Variants in HLTF observed in about 807,000 individuals in gnomAD.
HLTF encodes the protein helicase like transcription factor.
HLTF carries 127 observed loss-of-function variants against 129.4 expected under a neutral mutation model. The observed-to-expected ratio is 0.98, with a 90% confidence interval of 0.85 to 1.14. The LOEUF is 1.14. HLTF is among the 50% of genes most tolerant of loss of function. HLTF has a pLI of 0.00. For missense variants in HLTF, 1,139 were observed against 1,187.1 expected, an observed-to-expected ratio of 0.96 and a Z score of 0.60; for synonymous variants, 332 against 388.8, an observed-to-expected ratio of 0.85 and a Z score of 1.72.
chr3:149,070,881 C>T (rs1718789979), intron 7 of HLTF, among the ~76,000 whole-genome samples: 1 of 152,054 alleles, frequency 6.6e-6, no homozygotes, highest in African/African-American at 2.4e-5. Flanking sequence ...CCTGTCTCTA[C>T]TAAAAATACA....
Position 149,032,967 on chromosome 3 carries a change from A to AC in HLTF, c.2878-596_2878-595insG, listed in dbSNP as rs1211287834. 2.5e-3 allele frequency among the ~76,000 whole-genome samples: 356 copies of AC among 143,462 alleles called. 2 individuals carry two copies. Among genetic ancestry groups the AC allele is most frequent in the African/African-American group, 8.8e-3 (344 of 38,894 alleles). The allele number at this position is 143,462 out of a possible 152,430, so 94.1% of individuals were successfully genotyped here. A position where few individuals can be genotyped will look rare whatever the true frequency, so the allele number is the denominator to read the frequency against. Reference sequence around the variant, plus strand: ...GACAGAGCGACGTCTCAAAAAAAAAAAAAAAAAAAACAAAAAACTATTCCC... The same window carrying AC: ...GACAGAGCGACGTCTCAAAAAAAAAACAAAAAAAAAACAAAAAACTATTCCC... On this transcript the variant is annotated intron_variant, in intron 24 of 24. Transcript: ENST00000310053.
chr3:149,056,425 TTC>T (rs1445587629), intron 13 of HLTF, among the ~76,000 whole-genome samples: 1 of 152,178 alleles, frequency 6.6e-6, no homozygotes. Context: ...AAATGCAAAT[TTC>T]TGAGTTTTTA....
intron 14 of HLTF, 88 bp from the exon 15 acceptor site, chr3:149,050,463 G>T: frequency 1.3e-6 from 1 of 788,754 alleles, no homozygotes; most frequent in Non-Finnish European, 1.9e-6. Context: ...CCTGGCAGTA[G>T]TGTGACAAAT....
At chr3:149,043,444 C>A (rs912015170) in intron 18 of HLTF, among the ~76,000 whole-genome samples, 2 of 148,762 alleles carry the variant, frequency 1.3e-5, no homozygotes, top group Non-Finnish European at 3.0e-5. Context: ...TTAAAGAAAG[C>A]TTTCCAGGAA....
At chr3:149,054,693 A>T (rs1717278842) in intron 14 of HLTF, among the ~76,000 whole-genome samples, 1 of 151,816 alleles carries the variant, frequency 6.6e-6, no homozygotes, top group Non-Finnish European at 1.5e-5. Context: ...GCAATCTGGA[A>T]AAAAAAAATT....
chr3:149,084,645 A>C, intron 2 of HLTF, 37 bp downstream of exon 2: 1 of 1,436,270 alleles, frequency 7.0e-7, no homozygotes, highest in Non-Finnish European at 9.7e-7. Context: ...AACGCCAGAA[A>C]TATAATCAAA....
intron 20 of HLTF, among the ~76,000 whole-genome samples, chr3:149,041,196 TAA>T (rs766361834): frequency 2.0e-5 from 3 of 152,314 alleles, no homozygotes; most frequent in Admixed American, 2.0e-4. Context: ...TCTTTTTACT[TAA>T]GAGTATGACT....
intron 23 of HLTF, 134 bp from the exon 24 acceptor site, chr3:149,035,132 T>A (rs1715459213): frequency 2.9e-6 from 2 of 681,396 alleles, no homozygotes; most frequent in Non-Finnish European, 5.3e-6. Context: ...GATACTAACA[T>A]CACAAATACT....
chr3:149,051,154 T>C (rs1716946981), intron 14 of HLTF, among the ~76,000 whole-genome samples: 1 of 149,026 alleles, frequency 6.7e-6, no homozygotes, highest in South Asian at 2.1e-4. Flanking sequence ...AAATATGAAA[T>C]ATGAATAATA....
At chr3:149,066,775 G>A (rs548920407) in intron 8 of HLTF, among the ~76,000 whole-genome samples, 7 of 152,156 alleles carry the variant, frequency 4.6e-5, no homozygotes, top group Admixed American at 2.0e-4. Context: ...TAAAACTTCA[G>A]TTTCAATAAC....
chr3:149,035,257 T>G (rs1715471094), intron 23 of HLTF, among the ~76,000 whole-genome samples: 1 of 152,134 alleles, frequency 6.6e-6, no homozygotes, highest in Non-Finnish European at 1.5e-5. Context: ...AATAAGTATT[T>G]GTTGATTAAT....
intron 2 of HLTF, among the ~76,000 whole-genome samples, chr3:149,077,927 C>T (rs924170250): frequency 5.9e-5 from 9 of 152,040 alleles, no homozygotes; most frequent in Admixed American, 4.6e-4. Flanking sequence ...AGTGACCACA[C>T]ACGATAAAGG....
At chr3:149,067,431 A>G (rs1466510065) in intron 8 of HLTF, among the ~76,000 whole-genome samples, 1 of 152,182 alleles carries the variant, frequency 6.6e-6, no homozygotes. Context: ...TGGTTACATA[A>G]TAGTAAGTTT....
chr3:149,044,486 C>T (rs1020857306), intron 18 of HLTF, among the ~76,000 whole-genome samples: 6 of 152,124 alleles, frequency 3.9e-5, no homozygotes, highest in Admixed American at 2.0e-4. Context: ...CCAGCCATTG[C>T]TATCTTCACA....
chr3:149,039,708 A>G lies in HLTF; in HGVS notation c.2503-15T>C, dbSNP rs769329031. ...AGCGCATTAATCTGCAAAAAATATT[A>G]AGATGTCCATTAGATTCCATTTTAA... On this transcript the variant is annotated splice_polypyrimidine_tract_variant and intron_variant, in intron 21 of 24. Coordinates refer to ENST00000310053, the MANE Select transcript of HLTF (RefSeq NM_003071.4). 12 of 1,305,728 alleles carry G rather than the reference A, an allele frequency of 9.2e-6. No homozygotes were observed. The highest frequency in any genetic ancestry group is 1.2e-5 in the Non-Finnish European group (11 of 926,438). 80.9% of individuals were successfully genotyped at this position (1,305,728 alleles called of 1,614,324 possible).
intron 23 of HLTF, among the ~76,000 whole-genome samples, chr3:149,035,310 CTT>C (rs1273335749): frequency 6.6e-6 from 1 of 151,566 alleles, no homozygotes; most frequent in Non-Finnish European, 1.5e-5. Context: ...TCTATGTGTG[CTT>C]AACAGCAGAA....
intron 13 of HLTF, among the ~76,000 whole-genome samples, chr3:149,057,140 A>G (rs1251945525): frequency 7.0e-6 from 1 of 143,508 alleles, no homozygotes; most frequent in Non-Finnish European, 1.5e-5. Flanking sequence ...AAAAAAATAC[A>G]GAATGGGCCA....
intron 18 of HLTF, among the ~76,000 whole-genome samples, chr3:149,042,898 T>G (rs1716246796): frequency 6.6e-6 from 1 of 152,080 alleles, no homozygotes; most frequent in Non-Finnish European, 1.5e-5. Context: ...CTTTCCCTTT[T>G]GTATATCTGG....
At position 149,040,029 on chromosome 3, in the gene HLTF, A is replaced by C. The variant is rs1236194876; in HGVS notation, c.2502+2T>G. The C allele has an allele frequency of 1.2e-6, 2 of 1,608,602 alleles. No homozygotes were observed. Among genetic ancestry groups the C allele is most frequent in the African/African-American group, 2.7e-5 (2 of 74,800 alleles). ...TCAAATATTTGCACATGAGTACTTTACCTTTGAACTGGATGTCCATTCCAT... is the reference window on the plus strand; with the variant it reads ...TCAAATATTTGCACATGAGTACTTTCCCTTTGAACTGGATGTCCATTCCAT... On this transcript the variant is annotated splice_donor_variant, in intron 21 of 24. Transcript: ENST00000310053. LOFTEE classifies it high-confidence loss of function.
Sources: gnomAD v4.1 joint callset for allele counts (sites outside exome capture counted in the v4.1 genomes callset) on GRCh38, gnomAD v4.1.1 for gene constraint, MANE v1.5 for transcripts, NCBI Gene and HGNC (gene_info 2026-07-23, HGNC 2026-07-21) for gene names.